ADAMTS20: variants seen among roughly 807,000 people sequenced by gnomAD.
ADAMTS20 encodes the protein A disintegrin and metalloproteinase with thrombospondin motifs 20.
A neutral mutation model predicts 260.1 loss-of-function variants in ADAMTS20; 225 were observed. The ratio of observed to expected loss-of-function variants is 0.87; its 90% CI spans 0.78 to 0.97. The LOEUF is 0.97. ADAMTS20 is among the 50% of genes least tolerant of loss of function. The probability of loss-of-function intolerance (pLI) is 0.00; values close to 1 mark genes in which losing one functional copy is unlikely to be tolerated. For synonymous variants in ADAMTS20, 802 were observed against 769.5 expected, an observed-to-expected ratio of 1.04 and a Z score of -0.70; for missense variants, 2,400 against 2,337.7, an observed-to-expected ratio of 1.03 and a Z score of -0.55.
chr12:43,465,694 C>T (rs929662443), intron 9 of ADAMTS20, among the ~76,000 whole-genome samples: 1 of 151,956 alleles, frequency 6.6e-6, no homozygotes, highest in African/African-American at 2.4e-5. Flanking sequence ...GAAAAGTGCA[C>T]CATTGGTATT....
Position 43,464,672 on chromosome 12 carries a change from T to C in ADAMTS20, c.1428A>G (p.Ser476=). ...KPDEEIYNLP[S]ELPGSRYDGN... Reference sequence around the variant, plus strand: ...CATCATATCGTGATCCAGGAAGTTCTGAAGGCAGATTATATATTTCTTCAT... The same window carrying C: ...CATCATATCGTGATCCAGGAAGTTCCGAAGGCAGATTATATATTTCTTCAT... Residue 476 remains serine (S), a synonymous_variant, in exon 10 of 39, where the codon TCA becomes TCG. Coordinates refer to ENST00000389420, the MANE Select transcript of ADAMTS20 (RefSeq NM_025003.5). 6.2e-7 allele frequency: 1 copy of C among 1,613,468 alleles called. No individual in the cohort carries two copies. The highest frequency in any genetic ancestry group is 2.2e-5 in the East Asian group (1 of 44,848).
intron 37 of ADAMTS20, among the ~76,000 whole-genome samples, chr12:43,363,826 G>A (rs561534420): frequency 6.6e-6 from 1 of 152,278 alleles, no homozygotes; most frequent in South Asian, 2.1e-4. Context: ...TCTTCTTGGG[G>A]ACTTTCCTGA....
chr12:43,488,363 G>A (rs970115246), intron 7 of ADAMTS20, among the ~76,000 whole-genome samples: 1 of 152,050 alleles, frequency 6.6e-6, no homozygotes, highest in East Asian at 1.9e-4. Flanking sequence ...ATCACAGGTG[G>A]CATTTTCCCT....
chr12:43,493,090 A>G (rs555455866), intron 5 of ADAMTS20, 80 bp downstream of exon 5: 2 of 929,758 alleles, frequency 2.2e-6, no homozygotes, highest in Non-Finnish European at 3.3e-6. Context: ...CTCATTTCTA[A>G]TAAGAGTTCC....
chr12:43,433,668 A>G, intron 19 of ADAMTS20: 1 of 322,046 alleles, frequency 3.1e-6, no homozygotes, highest in Non-Finnish European at 6.1e-6. Flanking sequence ...ATGTCACTAC[A>G]AGACCAATCA....
intron 3 of ADAMTS20, among the ~76,000 whole-genome samples, chr12:43,515,976 T>C (rs1942994791): frequency 1.3e-5 from 2 of 152,138 alleles, no homozygotes; most frequent in Non-Finnish European, 1.5e-5. Context: ...TGGATACAAC[T>C]GAATACATGC....
intron 28 of ADAMTS20, among the ~76,000 whole-genome samples, chr12:43,414,935 A>T (rs1187871197): frequency 6.6e-6 from 1 of 152,206 alleles, no homozygotes; most frequent in Admixed American, 6.5e-5. Context: ...AATGTTTGTC[A>T]ACTGAAGGAT....
intron 37 of ADAMTS20, among the ~76,000 whole-genome samples, chr12:43,362,198 CA>C (rs909607102): frequency 6.6e-6 from 1 of 152,152 alleles, no homozygotes; most frequent in Admixed American, 6.5e-5. Flanking sequence ...GTGTCACCAA[CA>C]AAAGACATCC....
At chr12:43,434,060 T>C (rs933953178) in intron 19 of ADAMTS20, among the ~76,000 whole-genome samples, 185 bp downstream of exon 19, 1 of 152,224 alleles carries the variant, frequency 6.6e-6, no homozygotes, top group African/African-American at 2.4e-5. Flanking sequence ...GAAAATACTA[T>C]GAATGAAAAT....
chr12:43,473,980 C>T (rs11514081), intron 7 of ADAMTS20, among the ~76,000 whole-genome samples: 30,579 of 138,956 alleles, frequency 0.22, 3,570 homozygotes, highest in Middle Eastern at 0.31. Flanking sequence ...CAAGAAATAA[C>T]TAAAATCAGA....
chr12:43,390,871 G>A (rs1259423679), intron 29 of ADAMTS20, among the ~76,000 whole-genome samples: 1 of 152,146 alleles, frequency 6.6e-6, no homozygotes, highest in African/African-American at 2.4e-5. Flanking sequence ...TTTCTAGCAT[G>A]CATTTCAAAG....
chr12:43,417,624 T>C (rs1422956611), intron 28 of ADAMTS20, among the ~76,000 whole-genome samples: 1 of 152,228 alleles, frequency 6.6e-6, no homozygotes, highest in East Asian at 1.9e-4. Context: ...ATTGAACATA[T>C]ATTCCTCATA....
chr12:43,355,653 G>T lies in ADAMTS20; in HGVS notation c.5643+831C>A, dbSNP rs114307266. On this transcript the variant is annotated intron_variant, in intron 38 of 38. Transcript: ENST00000389420. ...AGAGTATACCGGGGCTGTTGCTGGT[G>T]CTAATTTATGTGTGATATAGGTGAG... Among the ~76,000 whole-genome samples, 885 of 152,152 alleles carry T rather than the reference G, an allele frequency of 5.8e-3. 8 individuals carry two copies. The highest frequency in any genetic ancestry group is 0.019 in the African/African-American group (808 of 41,530).
chr12:43,516,164 C>T (rs1359415290), intron 3 of ADAMTS20, among the ~76,000 whole-genome samples: 1 of 152,096 alleles, frequency 6.6e-6, no homozygotes, highest in Non-Finnish European at 1.5e-5. Context: ...CTGGTGATGG[C>T]TCCAACTCAC....
chr12:43,524,230 G>A (rs1454346409), intron 3 of ADAMTS20, among the ~76,000 whole-genome samples: 5 of 151,808 alleles, frequency 3.3e-5, no homozygotes, highest in East Asian at 3.9e-4. Flanking sequence ...GAAAGCTATC[G>A]CTCTCTATAA....
At chr12:43,536,170 T>A (rs1943292143) in intron 2 of ADAMTS20, among the ~76,000 whole-genome samples, 1 of 152,112 alleles carries the variant, frequency 6.6e-6, no homozygotes, top group Admixed American at 6.6e-5. Context: ...TATCCCCACT[T>A]TACAGGTGAG....
intron 7 of ADAMTS20, 55 bp from the exon 8 acceptor site, chr12:43,468,760 A>G: frequency 3.9e-6 from 4 of 1,023,298 alleles, no homozygotes; most frequent in Non-Finnish European, 5.9e-6. Flanking sequence ...CCAAAATCAT[A>G]AAGAACTTAA....
chr12:43,471,331 T>C (rs2137393694), intron 7 of ADAMTS20, among the ~76,000 whole-genome samples: 1 of 148,778 alleles, frequency 6.7e-6, no homozygotes, highest in South Asian at 2.2e-4. Context: ...GCTCGGAGGG[T>C]CCTACGCCCA....
chr12:43,403,061 T>C lies in ADAMTS20; in HGVS notation c.4285-3828A>G, dbSNP rs554245037. Among the ~76,000 whole-genome samples, 8 of 152,256 alleles carry C rather than the reference T, an allele frequency of 5.3e-5. No individual in the cohort carries two copies. The South Asian group carries it at 1.2e-3, about 24-fold the overall frequency. Reference sequence around the variant, plus strand: ...AAATTTGCAAGGCCTGAAAATGTAGTAGATCTTTAGAGTTGTTCTAGTTGG... The same window carrying C: ...AAATTTGCAAGGCCTGAAAATGTAGCAGATCTTTAGAGTTGTTCTAGTTGG... On this transcript the variant is annotated intron_variant, in intron 28 of 38. Coordinates refer to ENST00000389420, the MANE Select transcript of ADAMTS20 (RefSeq NM_025003.5).
Sources: allele counts gnomAD v4.1 joint callset (sites outside exome capture counted in the v4.1 genomes callset), GRCh38; gene constraint gnomAD v4.1.1; transcripts MANE v1.5; gene names NCBI Gene and HGNC (gene_info 2026-07-23, HGNC 2026-07-21).